Variants in PLEKHH2 observed in about 807,000 individuals in gnomAD.
PLEKHH2 encodes the protein pleckstrin homology domain-containing family H member 2.
A neutral mutation model predicts 187.9 loss-of-function variants in PLEKHH2; 129 were observed. The observed-to-expected ratio is 0.69, with a 90% CI of 0.59 to 0.79. PLEKHH2 has a LOEUF of 0.79. PLEKHH2 is among the 30% of genes least tolerant of loss of function. The probability of loss-of-function intolerance (pLI) is 0.00; values close to 1 mark genes in which losing one functional copy is unlikely to be tolerated. For synonymous variants in PLEKHH2, 686 were observed against 605.6 expected, an observed-to-expected ratio of 1.13 and a Z score of -1.95; for missense variants, 2,076 against 1,751.2, an observed-to-expected ratio of 1.19 and a Z score of -3.31.
At chr2:43,656,068 T>C (rs1016822743) in intron 2 of PLEKHH2, among the ~76,000 whole-genome samples, 3 of 151,984 alleles carry the variant, frequency 2.0e-5, no homozygotes, top group Non-Finnish European at 4.4e-5. Flanking sequence ...AAGTGATTCT[T>C]ATGCCTCAGC....
At chr2:43,723,226 C>T (rs781519752) in intron 16 of PLEKHH2, among the ~76,000 whole-genome samples, 6 of 152,028 alleles carry the variant, frequency 3.9e-5, no homozygotes, top group East Asian at 1.9e-4. Context: ...TTAGGAGAGG[C>T]GAAATTTTAC....
Position 43,743,883 on chromosome 2 carries a change from T to C in PLEKHH2, c.3449T>C (p.Leu1150Ser). ...ACAGTGGAAGAATTTTTGAATACTT[T>C]GAACCAGGACACAGGAATGAGGAAA... ...STTVEEFLNT[L>S]NQDTGMRKPA... The change falls in exon 23 of 30, where the codon TTG becomes TCG. Residue 1150 changes from leucine to serine, a missense_variant. By Grantham distance (145) the Leu-to-Ser change is moderately radical (BLOSUM62 -2). Transcript: ENST00000282406. The C allele has an allele frequency of 6.2e-7, 1 of 1,614,142 alleles. No homozygotes were observed. Among genetic ancestry groups the C allele is most frequent in the Non-Finnish European group, 8.5e-7 (1 of 1,179,988 alleles).
intron 3 of PLEKHH2, among the ~76,000 whole-genome samples, chr2:43,681,934 C>A (rs1486672387): frequency 1.3e-5 from 2 of 152,090 alleles, no homozygotes; most frequent in East Asian, 3.9e-4. Flanking sequence ...AAAAGGAAAT[C>A]TTACAACTTT....
intron 2 of PLEKHH2, chr2:43,675,903 A>G (rs758888045): frequency 5.6e-6 from 9 of 1,614,140 alleles, no homozygotes; most frequent in South Asian, 4.4e-5. Context: ...TGGGAAGTGC[A>G]AGGAAGAACC....
chr2:43,732,953 C>T (rs1671114829), intron 19 of PLEKHH2, among the ~76,000 whole-genome samples: 2 of 148,702 alleles, frequency 1.3e-5, no homozygotes, highest in South Asian at 4.3e-4. Context: ...CTGCCTTGTG[C>T]TTGTCTTTGG....
Position 43,712,307 on chromosome 2 carries a change from T to G in PLEKHH2, c.2384T>G (p.Val795Gly). 6.2e-7 allele frequency: 1 copy of G among 1,613,882 alleles called. No homozygotes were observed. The highest frequency in any genetic ancestry group is 8.5e-7 in the Non-Finnish European group (1 of 1,179,798). ...LEEWIKVLQN[V>G]LRVQAANPLS... ...GAGTGGATTAAAGTGTTACAGAATG[T>G]TCTTCGAGTACAAGCTGCCAACCCA... The change falls in exon 15 of 30, where the codon GTT becomes GGT. Residue 795 changes from valine to glycine, a missense_variant. By Grantham distance (109) the Val-to-Gly change is moderately radical. Coordinates refer to ENST00000282406, the MANE Select transcript of PLEKHH2 (RefSeq NM_172069.4).
rs57980394 is a variant in PLEKHH2 at position 43,717,416 on chromosome 2, T to TCAAACAAA, written c.2461-3227_2461-3220dup. Among the ~76,000 whole-genome samples the TCAAACAAA allele has an allele frequency of 2.3e-4, 35 of 150,844 alleles. No individual in the cohort carries two copies. The East Asian group carries it at 5.6e-3, about 24-fold the overall frequency. On this transcript the variant is annotated intron_variant, in intron 15 of 29. Transcript: ENST00000282406. ...CTGGGCAACTGAGTGAGACTCCACCTCAAACAAACAAACAAACAAACAAAC... is the reference window on the plus strand; with the variant it reads ...CTGGGCAACTGAGTGAGACTCCACCTCAAACAAACAAACAAACAAACAAACAAACAAAC...
chr2:43,725,585 G>A (rs574794745), intron 16 of PLEKHH2, among the ~76,000 whole-genome samples: 2 of 152,300 alleles, frequency 1.3e-5, no homozygotes, highest in South Asian at 4.2e-4. Context: ...TTCTGCTGGG[G>A]ACTTGCTTTA....
rs184904967 is a variant in PLEKHH2, at chr2:43,754,649, C to T, written c.3795+889C>T. ...CCCATAGTCTCAACCACACCCAAGTCTTTGCCTAGGTTAATTAAGGAAAAT... is the reference window on the plus strand; with the variant it reads ...CCCATAGTCTCAACCACACCCAAGTTTTTGCCTAGGTTAATTAAGGAAAAT... On this transcript the variant is annotated intron_variant, in intron 25 of 29. Coordinates refer to ENST00000282406, the MANE Select transcript of PLEKHH2 (RefSeq NM_172069.4). Among the ~76,000 whole-genome samples the T allele has an allele frequency of 2.7e-3, 406 of 152,206 alleles. 1 individual carries two copies. The highest frequency in any genetic ancestry group is 9.3e-3 in the African/African-American group (388 of 41,534).
intron 25 of PLEKHH2, among the ~76,000 whole-genome samples, chr2:43,754,363 G>A (rs536070199): frequency 2.2e-4 from 33 of 150,730 alleles, no homozygotes; most frequent in African/African-American, 8.0e-4. Context: ...CTGGGAGTCT[G>A]CCAGAGTGCC....
intron 28 of PLEKHH2, among the ~76,000 whole-genome samples, chr2:43,763,624 C>G (rs1268167976): frequency 6.7e-6 from 1 of 149,938 alleles, no homozygotes; most frequent in Non-Finnish European, 1.5e-5. Flanking sequence ...CTGGGTCTCC[C>G]TATGTTGCCC....
At chr2:43,752,977 A>G (rs1267227880) in intron 24 of PLEKHH2, among the ~76,000 whole-genome samples, 3 of 152,200 alleles carry the variant, frequency 2.0e-5, no homozygotes, top group Non-Finnish European at 4.4e-5. Context: ...ATTCCCAGAG[A>G]AAACTCACCT....
intron 1 of PLEKHH2, among the ~76,000 whole-genome samples, chr2:43,639,089 T>C (rs1703248796): frequency 6.6e-6 from 1 of 152,244 alleles, no homozygotes; most frequent in African/African-American, 2.4e-5. Context: ...ATGATACTTT[T>C]CATATTTGGG....
intron 16 of PLEKHH2, among the ~76,000 whole-genome samples, chr2:43,726,051 A>G (rs1302463476): frequency 6.6e-6 from 1 of 151,282 alleles, no homozygotes; most frequent in African/African-American, 2.4e-5. Flanking sequence ...CCAGGAGTTC[A>G]AGGTTACAGT....
At chr2:43,757,078 C>G (rs1672239536) in intron 25 of PLEKHH2, 41 bp from the exon 26 acceptor site, 1 of 1,443,466 alleles carries the variant, frequency 6.9e-7, no homozygotes, top group Admixed American at 2.6e-5. Context: ...TGTCTTAAAA[C>G]TCTTTTCAAT....
chr2:43,669,700 A>G (rs1014813290), intron 2 of PLEKHH2, among the ~76,000 whole-genome samples: 1 of 151,992 alleles, frequency 6.6e-6, no homozygotes, highest in Non-Finnish European at 1.5e-5. Context: ...TGAAGGTGAA[A>G]AGGAAGAAAC....
chr2:43,730,800 A>C (rs1386504970), intron 18 of PLEKHH2, among the ~76,000 whole-genome samples: 3 of 152,194 alleles, frequency 2.0e-5, no homozygotes, highest in African/African-American at 7.2e-5. Context: ...TGTGTCCAAC[A>C]CAGGAATTTA....
intron 10 of PLEKHH2, among the ~76,000 whole-genome samples, chr2:43,706,703 T>A (rs1345186975): frequency 6.6e-6 from 1 of 152,212 alleles, no homozygotes; most frequent in African/African-American, 2.4e-5. Context: ...TTATTAATAA[T>A]GTAATGAAAA....
chr2:43,685,822 C>G (rs1483578368), intron 3 of PLEKHH2, among the ~76,000 whole-genome samples: 2 of 152,182 alleles, frequency 1.3e-5, no homozygotes, highest in African/African-American at 2.4e-5. Context: ...CTTATGAGTA[C>G]TCCTGTGAGA....
Sources: allele counts gnomAD v4.1 joint callset (sites outside exome capture counted in the v4.1 genomes callset), GRCh38; gene constraint gnomAD v4.1.1; transcripts MANE v1.5; gene names NCBI Gene and HGNC (gene_info 2026-07-23, HGNC 2026-07-21).